FBN1: variants seen among roughly 807,000 people sequenced by gnomAD.
FBN1 encodes the protein fibrillin 1, also known as fibrillin-1.
Under a neutral mutation model 365.1 loss-of-function variants are expected in FBN1, and 29 were observed. The ratio of observed to expected loss-of-function variants is 0.08; its 90% CI spans 0.06 to 0.11. The LOEUF is 0.11. Among genes scored for constraint, FBN1 ranks in the 10% least tolerant of loss-of-function variants. The probability of loss-of-function intolerance (pLI) is 1.00; values close to 1 mark genes in which losing one functional copy is unlikely to be tolerated. For synonymous variants in FBN1, 1,210 were observed against 1,270.5 expected, an observed-to-expected ratio of 0.95 and a Z score of 1.01; for missense variants, 2,476 against 3,703.2, an observed-to-expected ratio of 0.67 and a Z score of 8.60.
At chr15:48,512,512 T>C (rs2043768823) in intron 13 of FBN1, among the ~76,000 whole-genome samples, 1 of 152,180 alleles carries the variant, frequency 6.6e-6, no homozygotes, top group African/African-American at 2.4e-5. Flanking sequence ...CGGTGTGTGT[T>C]GGTCCCTTCT....
At chr15:48,439,314 T>C (rs1278057807) in intron 50 of FBN1, among the ~76,000 whole-genome samples, 1 of 152,214 alleles carries the variant, frequency 6.6e-6, no homozygotes, top group Non-Finnish European at 1.5e-5. Context: ...CCATCTGTTG[T>C]GGCAAGGACC....
chr15:48,469,794 T>C (rs1597550347), intron 36 of FBN1, among the ~76,000 whole-genome samples: 1 of 152,006 alleles, frequency 6.6e-6, no homozygotes. Flanking sequence ...TCCTGAGGCA[T>C]GCAAGAGACC....
intron 6 of FBN1, among the ~76,000 whole-genome samples, chr15:48,539,951 A>G (rs1255155945): frequency 6.6e-6 from 1 of 152,260 alleles, no homozygotes; most frequent in African/African-American, 2.4e-5. Flanking sequence ...AAACAAAAAT[A>G]TAAACAAGTA....
chr15:48,464,143 G>A (rs774635693), intron 40 of FBN1, 122 bp from the exon 41 acceptor site: 7 of 896,956 alleles, frequency 7.8e-6, no homozygotes, highest in East Asian at 5.3e-5. Context: ...ATAAGATAAC[G>A]AAAATAGGTA....
intron 8 of FBN1, among the ~76,000 whole-genome samples, chr15:48,528,752 C>T (rs534215102): frequency 3.3e-5 from 5 of 152,250 alleles, no homozygotes; most frequent in Middle Eastern, 3.4e-3. Context: ...TTTGAAAGAG[C>T]TTAAACGACT....
At chr15:48,575,319 ATATGTATGTATG>A (rs56083230) in intron 6 of FBN1, among the ~76,000 whole-genome samples, 25,472 of 149,906 alleles carry the variant, frequency 0.17, 3,299 homozygotes, top group African/African-American at 0.37. Flanking sequence ...ATGTATTTAC[ATATGTATGTATG>A]TATGTATGTA....
chr15:48,613,162 G>GA (rs369337747), intron 2 of FBN1, 70 bp from the exon 3 acceptor site: 84 of 1,203,496 alleles, frequency 7.0e-5, no homozygotes, highest in African/African-American at 5.8e-4. Context: ...CAAATAAAAG[G>GA]AAAAAAAATT....
intron 34 of FBN1, among the ~76,000 whole-genome samples, chr15:48,473,515 G>A (rs1430211446): frequency 6.6e-6 from 1 of 152,128 alleles, no homozygotes; most frequent in Non-Finnish European, 1.5e-5. Flanking sequence ...GTTTACATGT[G>A]TATAGAAGTT....
chr15:48,464,646 A>C (rs192891794), intron 40 of FBN1, among the ~76,000 whole-genome samples: 94 of 152,368 alleles, frequency 6.2e-4, no homozygotes, highest in Non-Finnish European at 9.0e-4. Context: ...AGGCAGAGAT[A>C]GAAATGTGGA....
chr15:48,468,265 A>G, intron 37 of FBN1, 147 bp downstream of exon 37: 1 of 1,345,262 alleles, frequency 7.4e-7, no homozygotes, highest in Non-Finnish European at 1.0e-6. Context: ...TTCCCTATGG[A>G]AAAGATATCT....
rs1159461905 is a variant in FBN1 at position 48,409,959 on chromosome 15, C to A, written c.*1031G>T. 1 of 152,602 alleles carries A rather than the reference C, an allele frequency of 6.6e-6. No individual in the cohort carries two copies. The allele number at this position is 152,602 out of a possible 1,614,324, so 9.5% of individuals were successfully genotyped here. A position where few individuals can be genotyped will look rare whatever the true frequency, so the allele number is the denominator to read the frequency against. ...TCTTCTAGTGGTTATACATTTGGTACTTTCATAAGCCATAAGTAAGAGACC... is the reference window on the plus strand; with the variant it reads ...TCTTCTAGTGGTTATACATTTGGTAATTTCATAAGCCATAAGTAAGAGACC... On this transcript the variant is annotated 3_prime_UTR_variant, in exon 66 of 66. Coordinates refer to ENST00000316623, the MANE Select transcript of FBN1 (RefSeq NM_000138.5).
chr15:48,486,015 G>A (rs2043503665), intron 29 of FBN1, among the ~76,000 whole-genome samples: 1 of 152,192 alleles, frequency 6.6e-6, no homozygotes, highest in Non-Finnish European at 1.5e-5. Context: ...TGCTAGAGAT[G>A]AGACTCTAAT....
At chr15:48,527,102 C>A (rs1227373085) in intron 8 of FBN1, among the ~76,000 whole-genome samples, 1 of 152,194 alleles carries the variant, frequency 6.6e-6, no homozygotes, top group African/African-American at 2.4e-5. Flanking sequence ...ATGGGCTGCA[C>A]CCCAGCTTGC....
In FBN1 at chr15:48,607,075, G is replaced by T. The variant is rs1185543471; in HGVS notation, c.346+3653C>A. 6.6e-5 allele frequency among the ~76,000 whole-genome samples: 10 copies of T among 152,122 alleles called. No homozygotes were observed. The East Asian group carries it at 1.9e-3, about 29-fold the overall frequency. The stretch of plus-strand genomic sequence containing the variant: ...ACCACGAGCCAAATAAACTTTTGTT[G>T]TTTATAAGTTATCCAGTCTGTGGTA... On this transcript the variant is annotated intron_variant, in intron 4 of 65. Transcript: ENST00000316623.
intron 8 of FBN1, among the ~76,000 whole-genome samples, chr15:48,533,362 T>C (rs1161035162): frequency 6.6e-6 from 1 of 152,180 alleles, no homozygotes; most frequent in African/African-American, 2.4e-5. Flanking sequence ...GAGAGTCCAA[T>C]GCTGCCTACA....
intron 2 of FBN1, among the ~76,000 whole-genome samples, chr15:48,627,045 C>T (rs1597642015): frequency 6.6e-6 from 1 of 152,024 alleles, no homozygotes. Context: ...AATTAAAAAC[C>T]AAAAGACTTT....
chr15:48,540,374 A>G (rs2044048819), intron 6 of FBN1, among the ~76,000 whole-genome samples: 1 of 152,184 alleles, frequency 6.6e-6, no homozygotes, highest in South Asian at 2.1e-4. Flanking sequence ...TAATCATAAA[A>G]TAAGGATTAT....
chr15:48,565,626 A>T (rs76839128), intron 6 of FBN1, among the ~76,000 whole-genome samples: 20 of 86,574 alleles, frequency 2.3e-4, no homozygotes, highest in African/African-American at 2.0e-3. Flanking sequence ...TCAATGTGAT[A>T]AAAAAAAAAA....
chr15:48,516,238 T>C lies in FBN1; in HGVS notation c.1272A>G (p.Gln424=), dbSNP rs763710172. Residue 424 remains glutamine (Q), a synonymous_variant, in exon 11 of 66, where the codon CAA becomes CAG. Coordinates refer to ENST00000316623, the MANE Select transcript of FBN1 (RefSeq NM_000138.5). The stretch of plus-strand genomic sequence containing the variant: ...CCACTGGTGGTCGAGGGACCGGAAT[T>C]TGAGGTCCAGGAGGAAAGCCAGGAG... ...PVPPGFPPGP[Q]IPVPRPPVEY... is the part of the protein sequence containing the mutation. 33 of 1,613,454 alleles carry C rather than the reference T, an allele frequency of 2.0e-5. No individual in the cohort carries two copies. The South Asian group carries it at 3.6e-4, about 18-fold the overall frequency.
Sources: allele counts gnomAD v4.1 joint callset (sites outside exome capture counted in the v4.1 genomes callset), GRCh38; gene constraint gnomAD v4.1.1; transcripts MANE v1.5; gene names NCBI Gene and HGNC (gene_info 2026-07-23, HGNC 2026-07-21).